The following TEAD1 variants were observed in gnomAD, a reference collection of about 807,000 sequenced individuals.
TEAD1 encodes the protein TEA domain transcription factor 1, also known as transcriptional enhancer factor TEF-1.
Under a neutral mutation model 54.9 loss-of-function variants are expected in TEAD1, and 9 were observed. That is an observed-to-expected ratio of 0.16 (90% CI 0.10 to 0.29). The LOEUF is 0.29. Among genes scored for constraint, TEAD1 ranks in the 10% least tolerant of loss-of-function variants. TEAD1 has a pLI of 1.00. For synonymous variants in TEAD1, 200 were observed against 187.8 expected (o/e 1.07, Z -0.53); for missense variants, 387 against 535.9 (o/e 0.72, Z 2.74).
chr11:12,839,340 A>G (rs1300798671), intron 3 of TEAD1, among the ~76,000 whole-genome samples: 1 of 152,146 alleles, frequency 6.6e-6, no homozygotes, highest in Non-Finnish European at 1.5e-5. Context: ...GAACCTGGGA[A>G]GTGGAGGCTG....
At chr11:12,695,406 G>A (rs970234624) in intron 2 of TEAD1, among the ~76,000 whole-genome samples, 1 of 152,152 alleles carries the variant, frequency 6.6e-6, no homozygotes, top group East Asian at 1.9e-4. Context: ...TGTTAAGAGA[G>A]GTACAAATCC....
At chr11:12,808,495 T>C (rs182445007) in intron 3 of TEAD1, among the ~76,000 whole-genome samples, 1 of 151,126 alleles carries the variant, frequency 6.6e-6, no homozygotes, top group Non-Finnish European at 1.5e-5. Flanking sequence ...TTTTGTTTTT[T>C]TCCCTTGCAA....
intron 12 of TEAD1, among the ~76,000 whole-genome samples, chr11:12,930,926 A>G (rs951838615): frequency 6.6e-6 from 1 of 152,234 alleles, no homozygotes; most frequent in Admixed American, 6.5e-5. Flanking sequence ...AATAGAATGC[A>G]TGGAATGCAG....
chr11:12,864,045 G>A (rs1947560413), intron 4 of TEAD1, among the ~76,000 whole-genome samples: 1 of 144,928 alleles, frequency 6.9e-6, no homozygotes, highest in Non-Finnish European at 1.5e-5. Flanking sequence ...CCAAAAGAGT[G>A]GAAGGATTAA....
intron 8 of TEAD1, among the ~76,000 whole-genome samples, chr11:12,882,588 T>C (rs1947995563): frequency 6.6e-6 from 1 of 152,148 alleles, no homozygotes; most frequent in Admixed American, 6.5e-5. Context: ...GAGAGAATAT[T>C]CTATAGTGCT....
chr11:12,731,823 C>T (rs1218693212), intron 2 of TEAD1, among the ~76,000 whole-genome samples: 2 of 152,162 alleles, frequency 1.3e-5, no homozygotes, highest in Admixed American at 1.3e-4. Context: ...CCTCACTGTC[C>T]CCATTTCTCT....
intron 2 of TEAD1, among the ~76,000 whole-genome samples, chr11:12,741,412 A>G (rs1944647215): frequency 2.0e-5 from 3 of 152,204 alleles, no homozygotes; most frequent in Admixed American, 1.3e-4. Context: ...CAATAAAGGT[A>G]GCTAATTGGA....
intron 2 of TEAD1, among the ~76,000 whole-genome samples, chr11:12,718,506 T>G (rs1317275046): frequency 6.6e-6 from 1 of 152,232 alleles, no homozygotes; most frequent in Non-Finnish European, 1.5e-5. Flanking sequence ...TTCCTCCAGC[T>G]TCTGTGGGGC....
At chr11:12,924,807 C>T (rs1948879732) in intron 10 of TEAD1, 105 bp from the exon 11 acceptor site, 1 of 1,378,800 alleles carries the variant, frequency 7.3e-7, no homozygotes, top group Non-Finnish European at 1.0e-6. Flanking sequence ...CCCAAGCCAG[C>T]CCTCTTCATT....
In TEAD1 at chr11:12,943,625, A is replaced by G. The variant is rs1389358661; in HGVS notation, c.*6403A>G. The G allele has an allele frequency of 6.6e-6, 1 of 152,190 alleles. No individual in the cohort carries two copies. The highest frequency in any genetic ancestry group is 2.4e-5 in the African/African-American group (1 of 41,450). 9.4% of individuals were successfully genotyped at this position (152,190 alleles called of 1,614,324 possible). A position where few individuals can be genotyped will look rare whatever the true frequency, so the allele number is the denominator to read the frequency against. ...TTATCATGAAATGGGGTCAGATTCC[A>G]TCAGATTCCACCTCTGTCAGGTGGA... On this transcript the variant is annotated 3_prime_UTR_variant, in exon 13 of 13. Coordinates refer to ENST00000527636, the MANE Select transcript of TEAD1 (RefSeq NM_021961.6).
At position 12,881,897 on chromosome 11, in the gene TEAD1, G is replaced by A. The variant is rs376178332; in HGVS notation, c.514G>A (p.Val172Ile). 6 of 1,614,070 alleles carry A rather than the reference G, an allele frequency of 3.7e-6. No individual in the cohort carries two copies. Among genetic ancestry groups the A allele is most frequent in the Admixed American group, 1.7e-5 (1 of 60,014 alleles). The change falls in exon 8 of 13, where the codon GTC (valine) becomes ATC (isoleucine). Residue 172 changes from valine to isoleucine, a missense_variant and splice_region_variant. By Grantham distance (29) the Val-to-Ile change is conservative. Transcript: ENST00000527636. ...TGTCTGCCATCTCTCTGTTCCCAGC[G>A]TCAAGCCTTTTGTGCAGCAGGCCTA...
intron 9 of TEAD1, among the ~76,000 whole-genome samples, chr11:12,892,948 G>A (rs543295135): frequency 6.6e-6 from 1 of 152,278 alleles, no homozygotes; most frequent in Admixed American, 6.5e-5. Flanking sequence ...GCTCTGTGTG[G>A]CCTGGGCGGA....
chr11:12,750,854 A>G (rs1944855839), intron 2 of TEAD1, among the ~76,000 whole-genome samples: 1 of 152,148 alleles, frequency 6.6e-6, no homozygotes, highest in Non-Finnish European at 1.5e-5. Context: ...AGACAGAATA[A>G]ACTCCTCCAT....
chr11:12,810,201 G>A (rs994485115), intron 3 of TEAD1, among the ~76,000 whole-genome samples: 2 of 151,926 alleles, frequency 1.3e-5, no homozygotes, highest in African/African-American at 4.8e-5. Context: ...GGCTAGTCTT[G>A]AACTCTTGAC....
At chr11:12,690,762 T>G (rs1157804037) in intron 2 of TEAD1, among the ~76,000 whole-genome samples, 2 of 152,176 alleles carry the variant, frequency 1.3e-5, no homozygotes, top group Non-Finnish European at 2.9e-5. Context: ...GATACTCTAG[T>G]TCTGTTTTTG....
chr11:12,787,379 G>A (rs1046427733), intron 3 of TEAD1, among the ~76,000 whole-genome samples: 2 of 152,124 alleles, frequency 1.3e-5, no homozygotes, highest in African/African-American at 4.8e-5. Flanking sequence ...TGTATGATGC[G>A]CCTGGTTTAA....
At chr11:12,820,918 T>G (rs535386196) in intron 3 of TEAD1, among the ~76,000 whole-genome samples, 14 of 152,364 alleles carry the variant, frequency 9.2e-5, no homozygotes, top group South Asian at 8.3e-4. Flanking sequence ...CATCCCAGTC[T>G]GCTGTAACTT....
chr11:12,745,587 GTT>G (rs77963483), intron 2 of TEAD1, among the ~76,000 whole-genome samples: 11 of 130,518 alleles, frequency 8.4e-5, no homozygotes, highest in African/African-American at 1.4e-4. Flanking sequence ...ATTTTAAGGG[GTT>G]TTTTTTTTTT....
rs1948285085 is a variant in TEAD1, at chr11:12,895,123, C to T, written c.700-6817C>T. Among the ~76,000 whole-genome samples the T allele has an allele frequency of 2.0e-5, 3 of 152,082 alleles. 1 individual carries two copies. Among genetic ancestry groups the T allele is most frequent in the African/African-American group, 7.2e-5 (3 of 41,402 alleles). Reference sequence around the variant, plus strand: ...CACTCCTCACTGCAGGCTCCCTAAGCAGCAAAGAACAGCAGGGACCAGGAA... The same window carrying T: ...CACTCCTCACTGCAGGCTCCCTAAGTAGCAAAGAACAGCAGGGACCAGGAA... On this transcript the variant is annotated intron_variant, in intron 9 of 12. Transcript: ENST00000527636.
Sources: gnomAD v4.1 joint callset for allele counts (sites outside exome capture counted in the v4.1 genomes callset) on GRCh38, gnomAD v4.1.1 for gene constraint, MANE v1.5 for transcripts, NCBI Gene and HGNC (gene_info 2026-07-23, HGNC 2026-07-21) for gene names.